ENO2: variants seen among roughly 807,000 people sequenced by gnomAD.
ENO2 encodes the protein gamma-enolase.
ENO2 carries 19 observed loss-of-function variants against 48.7 expected under a neutral mutation model. The ratio of observed to expected loss-of-function variants is 0.39; its 90% CI spans 0.27 to 0.57. ENO2 has a LOEUF of 0.57. ENO2 is among the 20% of genes least tolerant of loss of function. The pLI, the probability that ENO2 is intolerant of heterozygous loss-of-function variation, is 0.58. For synonymous variants in ENO2, 198 were observed against 213.4 expected, an observed-to-expected ratio of 0.93 and a Z score of 0.63; for missense variants, 416 against 555.0, an observed-to-expected ratio of 0.75 and a Z score of 2.52.
rs781981376 is a variant in ENO2 at position 6,918,136 on chromosome 12, C to T, written c.641C>T (p.Ala214Val). The T allele has an allele frequency of 1.9e-6, 3 of 1,614,082 alleles. No homozygotes were observed. Among genetic ancestry groups the T allele is most frequent in the Admixed American group, 1.7e-5 (1 of 60,008 alleles). Residue 214 changes from alanine (A) to valine (V), a missense_variant, in exon 7 of 12, where the codon GCC becomes GTC. By Grantham distance (64) the Ala-to-Val change is moderately conservative. Transcript: ENST00000229277. The part of the protein sequence containing the change: ...ATNVGDEGGF[A>V]PNILENSEAL... ...AATGTGGGGGATGAAGGTGGCTTTGCCCCCAATATCCTGGAGAACAGTGAA... is the reference window on the plus strand; with the variant it reads ...AATGTGGGGGATGAAGGTGGCTTTGTCCCCAATATCCTGGAGAACAGTGAA...
At chr12:6,917,422 C>T (rs1945301723) in intron 5 of ENO2, 159 bp from the exon 6 acceptor site, 1 of 1,019,314 alleles carries the variant, frequency 9.8e-7, no homozygotes, top group Non-Finnish European at 1.4e-6. Context: ...CCTCTCCCTG[C>T]TGTTTTCAAG....
rs1555141642 is a variant in ENO2, at chr12:6,916,704, C to T, written c.215C>T (p.Thr72Ile). 6.2e-7 allele frequency: 1 copy of T among 1,614,198 alleles called. No homozygotes were observed. Among genetic ancestry groups the T allele is most frequent in the Admixed American group, 1.7e-5 (1 of 60,018 alleles). The part of the protein sequence containing the change: ...VLKAVDHINS[T>I]IAPALISSGL... ...AAGGCAGTGGACCACATCAACTCCA[C>T]CATCGCGCCAGCCCTCATCAGCTCA... The change falls in exon 4 of 12, where the codon ACC becomes ATC. Residue 72 changes from threonine (T) to isoleucine (I), a missense_variant. Transcript: ENST00000229277. The surrounding 1 kb of genome is among the most constrained non-coding windows in gnomAD (Gnocchi z 4.5).
Position 6,922,587 on chromosome 12 carries a change from TG to T in ENO2, c.1236-141del. 7.8e-7 allele frequency: 1 copy of T among 1,284,752 alleles called. No homozygotes were observed. The highest frequency in any genetic ancestry group is 2.3e-5 in the East Asian group (1 of 43,168). 79.6% of individuals were successfully genotyped at this position (1,284,752 alleles called of 1,614,324 possible). On this transcript the variant is annotated intron_variant, in intron 11 of 11. Transcript: ENST00000229277. The surrounding 1 kb of genome is among the most constrained non-coding windows in gnomAD (Gnocchi z 5.3). ...TGATTGACAAATCCCAGAGATCACA[TG>T]GGAAAGCCAGGGAATGCTAAGCCTT...
intron 7 of ENO2, among the ~76,000 whole-genome samples, 162 bp from the exon 8 acceptor site, chr12:6,919,404 G>A (rs1305363021): frequency 6.6e-6 from 1 of 152,154 alleles, no homozygotes; most frequent in Non-Finnish European, 1.5e-5. Flanking sequence ...GTTCCTAGAA[G>A]ATGGCCTCTC....
chr12:6,920,407 T>C (rs1445110764), intron 8 of ENO2, among the ~76,000 whole-genome samples: 1 of 151,728 alleles, frequency 6.6e-6, no homozygotes, highest in Non-Finnish European at 1.5e-5. Flanking sequence ...TTGTTTTGTT[T>C]TTTTTTTTTG....
intron 8 of ENO2, 190 bp from the exon 9 acceptor site, chr12:6,921,391 A>G (rs1241613871): frequency 6.5e-6 from 1 of 154,088 alleles, no homozygotes; most frequent in Non-Finnish European, 1.2e-5. Context: ...AGGCTCTGTC[A>G]AAAAAAAAAA....
chr12:6,917,693 A>C lies in ENO2; in HGVS notation c.423A>C (p.Ser141=). The C allele has an allele frequency of 6.5e-7, 1 of 1,531,626 alleles. No homozygotes were observed. The highest frequency in any genetic ancestry group is 8.8e-7 in the Non-Finnish European group (1 of 1,130,234). 94.9% of individuals were successfully genotyped at this position (1,531,626 alleles called of 1,614,324 possible). ...YRHIAQLAGN[S]DLILPVPAFN... ...ACATTGCTCAGCTGGCCGGGAACTC[A>C]GACCTCATCCTGCCTGTGCCGGTGA... The change falls in exon 6 of 12, where the codon TCA becomes TCC. Residue 141 remains serine, a synonymous_variant. Coordinates refer to ENST00000229277, the MANE Select transcript of ENO2 (RefSeq NM_001975.3).
In ENO2 at chr12:6,917,028, C is replaced by G. The variant is rs782060480; in HGVS notation, c.241-10C>G. ...AGCCTGGCCCTGGGTGATGGAGGCT[C>G]TGCCCTCAGGGTCTCTCTGTGGTGG... On this transcript the variant is annotated splice_polypyrimidine_tract_variant and intron_variant, in intron 4 of 11. Coordinates refer to ENST00000229277, the MANE Select transcript of ENO2 (RefSeq NM_001975.3). The G allele has an allele frequency of 6.2e-7, 1 of 1,614,126 alleles. No individual in the cohort carries two copies. The highest frequency in any genetic ancestry group is 8.5e-7 in the Non-Finnish European group (1 of 1,180,036).
intron 2 of ENO2, 32 bp downstream of exon 2, chr12:6,915,949 C>T (rs782804887): frequency 7.4e-6 from 12 of 1,611,616 alleles, no homozygotes; most frequent in African/African-American, 2.7e-5. Flanking sequence ...TTCCTACAGC[C>T]CTAGCTTTTC....
rs782196870 is a variant in ENO2 at position 6,916,678 on chromosome 12, G to A, written c.189G>A (p.Leu63=). The stretch of plus-strand genomic sequence containing the variant: ...GCCTCTTCCTTTCCCCAGGTGTCCT[G>A]AAGGCAGTGGACCACATCAACTCCA... ...DKQRYLGKGV[L]KAVDHINSTI... The change falls in exon 4 of 12, where the codon CTG becomes CTA. Residue 63 remains leucine (L), a synonymous_variant. Transcript: ENST00000229277. The surrounding 1 kb of genome is among the most constrained non-coding windows in gnomAD (Gnocchi z 4.5). 7 of 1,614,162 alleles carry A rather than the reference G, an allele frequency of 4.3e-6. No individual in the cohort carries two copies. The Admixed American group carries it at 1.2e-4, about 27-fold the overall frequency.
At position 6,918,131 on chromosome 12, in the gene ENO2, C is replaced by T. The variant is rs782387978; in HGVS notation, c.636C>T (p.Gly212=). ...CCACCAATGTGGGGGATGAAGGTGG[C>T]TTTGCCCCCAATATCCTGGAGAACA... The part of the protein sequence containing the change: ...KDATNVGDEG[G]FAPNILENSE... Residue 212 remains glycine, a synonymous_variant, in exon 7 of 12, where the codon GGC becomes GGT. Coordinates refer to ENST00000229277, the MANE Select transcript of ENO2 (RefSeq NM_001975.3). 6.2e-7 allele frequency: 1 copy of T among 1,614,164 alleles called. No homozygotes were observed. The highest frequency in any genetic ancestry group is 8.5e-7 in the Non-Finnish European group (1 of 1,180,020).
Position 6,916,765 on chromosome 12 carries a change from G to A in ENO2, c.240+36G>A. The A allele has an allele frequency of 6.2e-7, 1 of 1,613,012 alleles. No homozygotes were observed. The highest frequency in any genetic ancestry group is 8.5e-7 in the Non-Finnish European group (1 of 1,179,302). On this transcript the variant is annotated intron_variant, in intron 4 of 11. Coordinates refer to ENST00000229277, the MANE Select transcript of ENO2 (RefSeq NM_001975.3). This position sits in a 1 kb window ranked among gnomAD's most constrained non-coding sequence, Gnocchi z 4.5. ...CTCTTTGCTGGGGATAGCAGGGCCA[G>A]AGTTCTGGAAGGAATCCCGGAGCAG...
In ENO2 at chr12:6,921,497, G is replaced by A. The variant is rs115894573; in HGVS notation, c.866-84G>A. ...TTAACCAAGGGCCTGTCCATTTCAG[G>A]GAATAAAGGGGCATGTTCCTGCCTG... On this transcript the variant is annotated intron_variant, in intron 8 of 11. Coordinates refer to ENST00000229277, the MANE Select transcript of ENO2 (RefSeq NM_001975.3). 8,491 of 1,393,972 alleles carry A rather than the reference G, an allele frequency of 6.1e-3. 394 individuals are homozygous for A. The African/African-American group carries it at 0.1, about 17-fold the overall frequency. 86.4% of individuals were successfully genotyped at this position (1,393,972 alleles called of 1,614,324 possible). A position where few individuals can be genotyped will look rare whatever the true frequency, so the allele number is the denominator to read the frequency against.
chr12:6,915,107 C>G (rs1945275985), intron 1 of ENO2: 1 of 152,682 alleles, frequency 6.5e-6, no homozygotes, highest in African/African-American at 2.4e-5. Context: ...GCGCTTCCTC[C>G]CCTCTGCTGC....
At position 6,916,298 on chromosome 12, in the gene ENO2, G is replaced by A; in HGVS notation, c.86-119G>A. On this transcript the variant is annotated intron_variant, in intron 2 of 11. Transcript: ENST00000229277. The surrounding 1 kb of genome is among the most constrained non-coding windows in gnomAD (Gnocchi z 4.5). ...GTGGGGTGGGGGTGGGGGGATGTTA[G>A]GGAGCAGTGTGGGGAGAGAGCTAGA... 2.3e-6 allele frequency: 2 copies of A among 885,434 alleles called. No individual in the cohort carries two copies. The highest frequency in any genetic ancestry group is 3.4e-5 in the South Asian group (2 of 58,122). 54.8% of individuals were successfully genotyped at this position (885,434 alleles called of 1,614,324 possible).
At position 6,919,572 on chromosome 12, in the gene ENO2, A is replaced by T. The variant is rs1555141924; in HGVS notation, c.674A>T (p.Glu225Val). ...PNILENSEAL[E>V]LVKEAIDKAG... ...CACTGTATTCTGTCCCCAGCCTTGG[A>T]GCTGGTGAAGGAAGCCATCGACAAG... is the stretch of plus-strand genomic sequence containing the variant. Residue 225 changes from glutamate to valine, a missense_variant, in exon 8 of 12, where the codon GAG becomes GTG. Coordinates refer to ENST00000229277, the MANE Select transcript of ENO2 (RefSeq NM_001975.3). 1 of 1,613,890 alleles carries T rather than the reference A, an allele frequency of 6.2e-7. No homozygotes were observed. The highest frequency in any genetic ancestry group is 1.1e-5 in the South Asian group (1 of 91,062).
In ENO2 at chr12:6,916,554, C is replaced by CTTAT. The variant is rs782669556; in HGVS notation, c.181+43_181+46dup. On this transcript the variant is annotated intron_variant, in intron 3 of 11. Coordinates refer to ENST00000229277, the MANE Select transcript of ENO2 (RefSeq NM_001975.3). This position sits in a 1 kb window ranked among gnomAD's most constrained non-coding sequence, Gnocchi z 4.5. Reference sequence around the variant, plus strand: ...TTTCCAGACTCTCCCCCACCTCAGCCTTATGCCCCTACCTCACACCAGTCC... The same window carrying CTTAT: ...TTTCCAGACTCTCCCCCACCTCAGCCTTATTTATGCCCCTACCTCACACCAGTCC... 5 of 1,612,712 alleles carry CTTAT rather than the reference C, an allele frequency of 3.1e-6. No individual in the cohort carries two copies. In the South Asian group the frequency reaches 5.5e-5, roughly 18 times the overall value.
chr12:6,922,314 CT>C lies in ENO2; in HGVS notation c.1177-29del. ...CCTTTCAGGGGTGAGAGGGCAGTCA[CT>C]GAGCTGCAAATCCTTTGAAATGTTT... On this transcript the variant is annotated intron_variant, in intron 10 of 11. Transcript: ENST00000229277. The surrounding 1 kb of genome is among the most constrained non-coding windows in gnomAD (Gnocchi z 5.3). 1 of 1,614,120 alleles carries C rather than the reference CT, an allele frequency of 6.2e-7. No homozygotes were observed. The highest frequency in any genetic ancestry group is 8.5e-7 in the Non-Finnish European group (1 of 1,179,962).
At position 6,921,728 on chromosome 12, in the gene ENO2, A is replaced by G; in HGVS notation, c.1013A>G (p.Asn338Ser). 6.2e-7 allele frequency: 1 copy of G among 1,614,172 alleles called. No homozygotes were observed. The highest frequency in any genetic ancestry group is 8.5e-7 in the Non-Finnish European group (1 of 1,180,030). ...IERAVEEKACNCLLLKVNQIG... is the reference protein window; with the variant it reads ...IERAVEEKACSCLLLKVNQIG... ...CGGGCAGTGGAAGAAAAGGCCTGCA[A>G]CTGTCTGCTGCTCAAGGTCAACCAG... Residue 338 changes from asparagine (N) to serine (S), a missense_variant, in exon 9 of 12, where the codon AAC becomes AGC. By Grantham distance (46) the Asn-to-Ser change is conservative. Coordinates refer to ENST00000229277, the MANE Select transcript of ENO2 (RefSeq NM_001975.3).
Sources: gnomAD v4.1 joint callset for allele counts (sites outside exome capture counted in the v4.1 genomes callset) on GRCh38, gnomAD v4.1.1 for gene constraint, Gnocchi (gnomAD v3.1) non-coding constraint, MANE v1.5 for transcripts, NCBI Gene and HGNC (gene_info 2026-07-23, HGNC 2026-07-21) for gene names.